KIT: variants seen among roughly 807,000 people sequenced by gnomAD.
KIT encodes the protein KIT proto-oncogene, receptor tyrosine kinase.
In KIT, 16 loss-of-function variants were observed where a neutral mutation model predicts 105.7. The ratio of observed to expected loss-of-function variants is 0.15; its 90% CI spans 0.10 to 0.23. KIT has a LOEUF of 0.23. Among genes scored for constraint, KIT ranks in the 10% least tolerant of loss-of-function variants. KIT has a pLI of 1.00. For missense variants in KIT, 858 were observed against 1,213.8 expected (o/e 0.71, Z 4.36); for synonymous variants, 438 against 441.1 (o/e 0.99, Z 0.09).
At chr4:54,694,739 A>G (rs1327279390) in intron 1 of KIT, among the ~76,000 whole-genome samples, 2 of 152,162 alleles carry the variant, frequency 1.3e-5, no homozygotes, top group African/African-American at 4.8e-5. Flanking sequence ...ACTAGCATGG[A>G]CTTTTCCCCA....
At chr4:54,716,857 A>G (rs17084689) in intron 7 of KIT, among the ~76,000 whole-genome samples, 9,538 of 152,266 alleles carry the variant, frequency 0.063, 964 homozygotes, top group African/African-American at 0.22. Context: ...TGTCTTCAAC[A>G]TACGATATGG....
chr4:54,693,301 ACTTTGTACTGCATTGC>A (rs1292967799), intron 1 of KIT, among the ~76,000 whole-genome samples: 2 of 151,960 alleles, frequency 1.3e-5, no homozygotes, highest in African/African-American at 2.4e-5. Context: ...TCTCTTTGAA[ACTTTGTACTGCATTGC>A]CTTCTTTGCC....
intron 1 of KIT, among the ~76,000 whole-genome samples, chr4:54,671,858 G>A (rs994310220): frequency 6.6e-6 from 1 of 151,936 alleles, no homozygotes; most frequent in Non-Finnish European, 1.5e-5. Context: ...TTACCAATAC[G>A]GCCTCTACCC....
intron 1 of KIT, among the ~76,000 whole-genome samples, chr4:54,682,090 C>CTTTTTT (rs375084454): frequency 7.8e-6 from 1 of 129,004 alleles, no homozygotes; most frequent in African/African-American, 3.0e-5. Flanking sequence ...ACTGAATTTT[C>CTTTTTT]TTTTTTTTTT....
intron 2 of KIT, among the ~76,000 whole-genome samples, chr4:54,696,684 CG>C (rs1315019046): frequency 1.3e-5 from 2 of 152,210 alleles, no homozygotes; most frequent in African/African-American, 4.8e-5. Flanking sequence ...GTCTTCCTTA[CG>C]TAATTGTTAG....
At chr4:54,687,817 C>A (rs1052068993) in intron 1 of KIT, among the ~76,000 whole-genome samples, 6 of 152,186 alleles carry the variant, frequency 3.9e-5, no homozygotes, top group Non-Finnish European at 7.3e-5. Context: ...CTCCCCTACA[C>A]CCTTTCATGG....
intron 3 of KIT, 143 bp downstream of exon 3, chr4:54,698,708 C>T: frequency 1.1e-6 from 1 of 938,066 alleles, no homozygotes; most frequent in Non-Finnish European, 1.7e-6. Flanking sequence ...ATGTCATCTG[C>T]TTTTGAATTT....
intron 1 of KIT, among the ~76,000 whole-genome samples, chr4:54,675,069 T>G (rs1170495962): frequency 2.6e-5 from 4 of 152,222 alleles, no homozygotes; most frequent in African/African-American, 9.7e-5. Flanking sequence ...AAAATGCTGC[T>G]AGGGATTGAC....
intron 15 of KIT, 54 bp from the exon 16 acceptor site, chr4:54,731,817 C>T (rs1178186012): frequency 6.3e-6 from 10 of 1,599,748 alleles, no homozygotes; most frequent in Non-Finnish European, 8.6e-6. Context: ...CTGTCTTTTC[C>T]TTTCCTGACC....
chr4:54,721,893 G>A (rs75795627), intron 7 of KIT, among the ~76,000 whole-genome samples: 1,966 of 152,294 alleles, frequency 0.013, 44 homozygotes, highest in African/African-American at 0.045. Context: ...TTATTGAGGA[G>A]AATATTTAGA....
chr4:54,709,555 G>T lies in KIT; in HGVS notation c.1231+16G>T. 2.7e-6 allele frequency: 4 copies of T among 1,463,332 alleles called. No individual in the cohort carries two copies. Among genetic ancestry groups the T allele is most frequent in the Non-Finnish European group, 3.8e-6 (4 of 1,042,568 alleles). 90.6% of individuals were successfully genotyped at this position (1,463,332 alleles called of 1,614,324 possible). A position where few individuals can be genotyped will look rare whatever the true frequency, so the allele number is the denominator to read the frequency against. On this transcript the variant is annotated intron_variant, in intron 7 of 20. Coordinates refer to ENST00000288135, the MANE Select transcript of KIT (RefSeq NM_000222.3). ...TATGTGAATAGTAAGTAACATGAAG[G>T]GCTCCTTTTAATTTTTTATTCTTTT...
At chr4:54,700,034 T>G (rs1479601884) in intron 4 of KIT, among the ~76,000 whole-genome samples, 1 of 152,226 alleles carries the variant, frequency 6.6e-6, no homozygotes, top group Non-Finnish European at 1.5e-5. Flanking sequence ...TACTTCATGC[T>G]GTTTCTTTGA....
chr4:54,718,803 T>TATTTA (rs1721662027), intron 7 of KIT, among the ~76,000 whole-genome samples: 1 of 152,226 alleles, frequency 6.6e-6, no homozygotes, highest in Non-Finnish European at 1.5e-5. Context: ...TCTGTTAGTG[T>TATTTA]CCATATGCCA....
Position 54,729,318 on chromosome 4 carries a change from T to A in KIT, c.1991-17T>A, listed in dbSNP as rs1273440505. ...TATATCTCACCTTCTTTCTAACCTTTTCTTATGTGCTTTTAGGGCCCACCC... is the reference window on the plus strand; with the variant it reads ...TATATCTCACCTTCTTTCTAACCTTATCTTATGTGCTTTTAGGGCCCACCC... On this transcript the variant is annotated splice_polypyrimidine_tract_variant and intron_variant, in intron 13 of 20. Transcript: ENST00000288135. The A allele has an allele frequency of 6.2e-7, 1 of 1,612,950 alleles. No individual in the cohort carries two copies. Among genetic ancestry groups the A allele is most frequent in the Non-Finnish European group, 8.5e-7 (1 of 1,179,426 alleles).
chr4:54,707,508 G>GT (rs1720868468), intron 6 of KIT, among the ~76,000 whole-genome samples: 2 of 152,268 alleles, frequency 1.3e-5, no homozygotes, highest in African/African-American at 4.8e-5. Flanking sequence ...GTGTGCCTCA[G>GT]TTTTCTCACT....
chr4:54,727,631 T>C, intron 11 of KIT, 89 bp downstream of exon 11: 2 of 1,540,730 alleles, frequency 1.3e-6, no homozygotes, highest in East Asian at 4.5e-5. Flanking sequence ...CTTTGTTTTG[T>C]TCCACCTGAA....
intron 7 of KIT, among the ~76,000 whole-genome samples, chr4:54,716,633 G>A (rs564813834): frequency 1.3e-5 from 2 of 152,170 alleles, no homozygotes; most frequent in African/African-American, 4.8e-5. Flanking sequence ...TCAGTGTATG[G>A]ATCTTTTATA....
chr4:54,729,238 A>G (rs1577997696), intron 13 of KIT, 97 bp from the exon 14 acceptor site: 26 of 1,288,862 alleles, frequency 2.0e-5, no homozygotes, highest in Middle Eastern at 2.6e-4. Context: ...CTGAAGCTGA[A>G]TATTAATGGC....
chr4:54,703,408 CATA>C (rs1477051978), intron 4 of KIT, among the ~76,000 whole-genome samples: 2 of 152,088 alleles, frequency 1.3e-5, no homozygotes, highest in Non-Finnish European at 2.9e-5. Context: ...ATCAGTATCC[CATA>C]ATATTTCAGA....
Sources: allele counts gnomAD v4.1 joint callset (sites outside exome capture counted in the v4.1 genomes callset), GRCh38; gene constraint gnomAD v4.1.1; transcripts MANE v1.5; gene names NCBI Gene and HGNC (gene_info 2026-07-23, HGNC 2026-07-21).